The following CELF2 variants were observed in gnomAD, a reference collection of about 807,000 sequenced individuals.
CELF2 encodes CUG triplet repeat RNA-binding protein 2.
CELF2 carries 8 observed loss-of-function variants against 62.6 expected under a neutral mutation model. The ratio of observed to expected loss-of-function variants is 0.13; its 90% CI spans 0.07 to 0.23. The LOEUF (loss-of-function observed/expected upper bound fraction) is 0.23. Among genes scored for constraint, CELF2 ranks in the 10% least tolerant of loss-of-function variants. CELF2 has a pLI of 1.00. For synonymous variants in CELF2, 258 were observed against 250.0 expected, an observed-to-expected ratio of 1.03 and a Z score of -0.30; for missense variants, 333 against 671.0, an observed-to-expected ratio of 0.50 and a Z score of 5.56.
the CELF2 span, among the ~76,000 whole-genome samples, chr10:10,546,092 A>G: frequency 6.6e-6 from 1 of 152,208 alleles, no homozygotes; most frequent in Admixed American, 6.5e-5. Flanking sequence ...AGCACTTAAA[A>G]AAAATTATTC....
chr10:10,763,451 GC>G, the CELF2 span, among the ~76,000 whole-genome samples: 115 of 152,240 alleles, frequency 7.6e-4, no homozygotes, highest in Admixed American at 2.4e-3. Context: ...TGGAAACGCT[GC>G]CCCGGTCAGG....
In CELF2 at chr10:11,211,813, A is replaced by AGAGTGTGT. The variant is rs1373283373; in HGVS notation, c.272-5611_272-5610insAGTGTGTG. On this transcript the variant is annotated intron_variant, in intron 2 of 12. Coordinates refer to ENST00000633077, the MANE Select transcript of CELF2 (RefSeq NM_001326342.2). This position sits in a 1 kb window ranked among gnomAD's most constrained non-coding sequence, Gnocchi z 4.8. ...GTGTGAGAGAGAGAGAGAGAGAGAG[A>AGAGTGTGT]GTGTGTGTGTGTGTGTGTGTGTGTG... is the stretch of plus-strand genomic sequence containing the variant. Among the ~76,000 whole-genome samples, 57 of 89,356 alleles carry AGAGTGTGT rather than the reference A, an allele frequency of 6.4e-4. No individual in the cohort carries two copies. Among genetic ancestry groups the AGAGTGTGT allele is most frequent in the Middle Eastern group, 6.2e-3 (1 of 162 alleles). The allele number at this position is 89,356 out of a possible 152,430, so 58.6% of individuals were successfully genotyped here.
chr10:11,191,652 T>C lies in CELF2; in HGVS notation c.272-25773T>C, dbSNP rs2076314285. ...ATTTAACTGTGGCCTCCCCAGGATG[T>C]TACACGTCCTGGCCTCCTCCCTGCA... is the stretch of plus-strand genomic sequence containing the variant. On this transcript the variant is annotated intron_variant, in intron 2 of 12. Transcript: ENST00000633077. This position sits in a 1 kb window ranked among gnomAD's most constrained non-coding sequence, Gnocchi z 4.1. Among the ~76,000 whole-genome samples the C allele has an allele frequency of 6.6e-6, 1 of 152,156 alleles. No individual in the cohort carries two copies. Among genetic ancestry groups the C allele is most frequent in the Non-Finnish European group, 1.5e-5 (1 of 68,020 alleles).
At chr10:10,651,383 C>T in the CELF2 span, among the ~76,000 whole-genome samples, 2 of 147,502 alleles carry the variant, frequency 1.4e-5, no homozygotes, top group Non-Finnish European at 3.0e-5. Flanking sequence ...CTCAAGGAGG[C>T]CTGCCTGCCT....
the CELF2 span, among the ~76,000 whole-genome samples, chr10:10,667,063 A>G: frequency 2.6e-5 from 4 of 152,262 alleles, no homozygotes; most frequent in African/African-American, 9.6e-5. Context: ...GAATAATAGA[A>G]GAAAAAATGA....
intron 3 of CELF2, among the ~76,000 whole-genome samples, chr10:11,225,281 C>G (rs529385688): frequency 2.0e-5 from 3 of 152,268 alleles, no homozygotes; most frequent in African/African-American, 7.2e-5. Flanking sequence ...TCATTACTTC[C>G]CATTAACACT....
upstream of CELF2, among the ~76,000 whole-genome samples, chr10:11,013,311 CA>C (rs1334991257): frequency 6.6e-6 from 1 of 151,988 alleles, no homozygotes; most frequent in Non-Finnish European, 1.5e-5. The surrounding 1 kb of genome is among the most constrained non-coding windows in gnomAD (Gnocchi z 4.1). Context: ...AATCTTGGTA[CA>C]ATGGAGAAAG....
the CELF2 span, among the ~76,000 whole-genome samples, chr10:10,479,650 G>A: frequency 6.6e-6 from 1 of 152,068 alleles, no homozygotes; most frequent in African/African-American, 2.4e-5. Context: ...TTAAGAATAC[G>A]AGCTCTGGAA....
chr10:10,753,977 C>A, the CELF2 span, among the ~76,000 whole-genome samples: 1 of 150,076 alleles, frequency 6.7e-6, no homozygotes, highest in East Asian at 2.0e-4. Context: ...CAATTAGGTT[C>A]CTGCTTGTTG....
the CELF2 span, among the ~76,000 whole-genome samples, chr10:10,479,925 T>A: frequency 6.6e-6 from 1 of 152,240 alleles, no homozygotes; most frequent in African/African-American, 2.4e-5. Flanking sequence ...GCATTCATTG[T>A]CTTAACCAAG....
chr10:11,060,314 A>G (rs930898712), intron 1 of CELF2, among the ~76,000 whole-genome samples: 12 of 152,246 alleles, frequency 7.9e-5, no homozygotes, highest in African/African-American at 2.4e-4. Context: ...CGTTCCCGGC[A>G]TAGTCAGTGG....
At chr10:10,833,813 C>T (rs1237809623) in intron 1 of CELF2, among the ~76,000 whole-genome samples, 5 of 152,142 alleles carry the variant, frequency 3.3e-5, no homozygotes. Flanking sequence ...CAAAAAATAA[C>T]AGATGCTGGT....
At chr10:10,858,526 C>A (rs10905847) in intron 1 of CELF2, among the ~76,000 whole-genome samples, 14,287 of 152,156 alleles carry the variant, frequency 0.094, 854 homozygotes, top group East Asian at 0.21. Flanking sequence ...ATACCCCTTT[C>A]CACATCCCAT....
At chr10:11,070,996 T>C (rs953344730) in intron 1 of CELF2, among the ~76,000 whole-genome samples, 1 of 152,184 alleles carries the variant, frequency 6.6e-6, no homozygotes, top group Non-Finnish European at 1.5e-5. Flanking sequence ...TAGATGACTA[T>C]TTTGAGAAAT....
the CELF2 span, among the ~76,000 whole-genome samples, chr10:10,543,777 C>CAACAACAAA: frequency 6.6e-6 from 1 of 151,984 alleles, no homozygotes; most frequent in South Asian, 2.1e-4. Flanking sequence ...ACAACAACAA[C>CAACAACAAA]AACAAAGCAG....
the CELF2 span, among the ~76,000 whole-genome samples, chr10:10,488,297 A>G: frequency 1.6e-4 from 25 of 152,264 alleles, no homozygotes; most frequent in East Asian, 4.4e-3. Flanking sequence ...CATGAGTCAG[A>G]CAAATCAAAC....
chr10:10,923,548 G>A (rs1049768522), intron 2 of CELF2, among the ~76,000 whole-genome samples: 6 of 152,200 alleles, frequency 3.9e-5, no homozygotes, highest in Non-Finnish European at 8.8e-5. Context: ...TGCCCAAGGT[G>A]CTTGAACAGG....
the CELF2 span, among the ~76,000 whole-genome samples, chr10:10,555,257 G>A: frequency 1.3e-5 from 2 of 150,342 alleles, no homozygotes; most frequent in Non-Finnish European, 2.9e-5. Context: ...CATTAGCAGA[G>A]AGAAACCTGG....
intron 2 of CELF2, among the ~76,000 whole-genome samples, chr10:10,988,541 A>G (rs1334472491): frequency 6.6e-6 from 1 of 152,232 alleles, no homozygotes; most frequent in Admixed American, 6.5e-5. Context: ...GTGAGGGATA[A>G]CAGACTACAT....
Sources: allele counts gnomAD v4.1 joint callset (sites outside exome capture counted in the v4.1 genomes callset), GRCh38; gene constraint gnomAD v4.1.1; non-coding constraint Gnocchi (gnomAD v3.1); transcripts MANE v1.5; gene names NCBI Gene and HGNC (gene_info 2026-07-23, HGNC 2026-07-21).